Variants in IFT56 observed in about 807,000 individuals in gnomAD.
IFT56 encodes intraflagellar transport 56.
the IFT56 span, chr7:139,142,181 G>C: frequency 6.9e-7 from 1 of 1,458,180 alleles, no homozygotes; most frequent in Non-Finnish European, 9.6e-7. Context: ...AGATTCATCC[G>C]AGTCTCATTT....
the IFT56 span, among the ~76,000 whole-genome samples, chr7:139,162,584 A>G: frequency 1.1e-4 from 16 of 152,220 alleles, no homozygotes; most frequent in Non-Finnish European, 2.1e-4. Flanking sequence ...ATCAAGTTCT[A>G]CCATGTACTA....
the IFT56 span, chr7:139,173,671 A>G: frequency 1.3e-6 from 1 of 773,782 alleles, no homozygotes; most frequent in African/African-American, 1.7e-5. Flanking sequence ...GCACGTTCAT[A>G]TTGGCATGTG....
chr7:139,158,258 G>A, the IFT56 span, among the ~76,000 whole-genome samples: 1 of 142,900 alleles, frequency 7.0e-6, no homozygotes, highest in South Asian at 2.2e-4. Context: ...AGGTTGCAGT[G>A]AGCCAAGATT....
At chr7:139,142,440 C>T in the IFT56 span, 2 of 757,632 alleles carry the variant, frequency 2.6e-6, no homozygotes, top group African/African-American at 3.6e-5. Flanking sequence ...TGGAATATAA[C>T]TGTTAATTGT....
At chr7:139,160,463 C>T in the IFT56 span, among the ~76,000 whole-genome samples, 3 of 146,548 alleles carry the variant, frequency 2.0e-5, no homozygotes, top group Non-Finnish European at 3.0e-5. Flanking sequence ...GACAGTCTTG[C>T]TCTGTCGCCA....
chr7:139,152,127 A>G, the IFT56 span, among the ~76,000 whole-genome samples: 1 of 152,162 alleles, frequency 6.6e-6, no homozygotes, highest in African/African-American at 2.4e-5. Flanking sequence ...TTTTTAAAAA[A>G]TTTATCTACT....
the IFT56 span, among the ~76,000 whole-genome samples, chr7:139,135,171 C>T: frequency 6.8e-6 from 1 of 147,316 alleles, no homozygotes; most frequent in Non-Finnish European, 1.5e-5. Context: ...CCCAGCTACT[C>T]GGGAGGCTGA....
chr7:139,173,552 T>A, the IFT56 span: 1 of 780,948 alleles, frequency 1.3e-6, no homozygotes, highest in South Asian at 1.3e-5. Flanking sequence ...ATACTGAGTT[T>A]GTTCATATGG....
chr7:139,176,691 T>G, the IFT56 span, among the ~76,000 whole-genome samples: 2 of 152,208 alleles, frequency 1.3e-5, no homozygotes, highest in Non-Finnish European at 2.9e-5. Context: ...GAACTGAAAA[T>G]TAAATATTTT....
the IFT56 span, chr7:139,169,274 C>G: frequency 6.2e-7 from 1 of 1,611,566 alleles, no homozygotes; most frequent in African/African-American, 1.3e-5. Context: ...TATATCAGCT[C>G]AGTTTGTTTT....
the IFT56 span, chr7:139,133,868 G>T: frequency 6.2e-7 from 1 of 1,614,226 alleles, no homozygotes; most frequent in African/African-American, 1.3e-5. Context: ...ATGGTTAGTG[G>T]CTCTGAATAG....
At chr7:139,162,689 G>A in the IFT56 span, among the ~76,000 whole-genome samples, 27 of 152,138 alleles carry the variant, frequency 1.8e-4, no homozygotes, top group African/African-American at 6.5e-4. Context: ...GGCCGGTCGC[G>A]GAGGCTCATG....
the IFT56 span, among the ~76,000 whole-genome samples, chr7:139,136,912 G>A: frequency 6.6e-6 from 1 of 152,238 alleles, no homozygotes; most frequent in Admixed American, 6.5e-5. Flanking sequence ...GACCTCACAT[G>A]AGAATTTCTC....
the IFT56 span, among the ~76,000 whole-genome samples, chr7:139,177,039 G>C: frequency 1.6e-3 from 236 of 152,018 alleles, no homozygotes; most frequent in African/African-American, 5.5e-3. Context: ...AGGTGTGGTG[G>C]TGTGTGCCTG....
At chr7:139,179,106 G>A in the IFT56 span, among the ~76,000 whole-genome samples, 2 of 152,144 alleles carry the variant, frequency 1.3e-5, no homozygotes. Flanking sequence ...TGGGCTGGGC[G>A]AGCTGGCTCA....
the IFT56 span, among the ~76,000 whole-genome samples, chr7:139,152,913 C>T: frequency 3.3e-5 from 5 of 152,088 alleles, no homozygotes; most frequent in South Asian, 2.1e-4. Context: ...CTTTGGGAGG[C>T]GGAGGCGGGC....
the IFT56 span, among the ~76,000 whole-genome samples, chr7:139,184,666 T>G: frequency 1.3e-5 from 2 of 152,118 alleles, no homozygotes; most frequent in Non-Finnish European, 2.9e-5. Context: ...CCCAGTACTT[T>G]GGGAGGCCAA....
At chr7:139,134,778 A>G in the IFT56 span, 1 of 1,613,644 alleles carries the variant, frequency 6.2e-7, no homozygotes, top group African/African-American at 1.3e-5. Flanking sequence ...CACTGGAGCT[A>G]TTACCCTGTT....
At chr7:139,138,944 G>T in the IFT56 span, among the ~76,000 whole-genome samples, 7 of 151,850 alleles carry the variant, frequency 4.6e-5, no homozygotes, top group Non-Finnish European at 1.0e-4. Context: ...CTGAGTAGCT[G>T]GGACTACAGA....
Sources: allele counts gnomAD v4.1 joint callset (sites outside exome capture counted in the v4.1 genomes callset), GRCh38; gene constraint gnomAD v4.1.1; transcripts MANE v1.5; gene names NCBI Gene and HGNC (gene_info 2026-07-23, HGNC 2026-07-21).